Variants in CDKL4 observed in about 807,000 individuals in gnomAD.
CDKL4 encodes cyclin-dependent kinase-like 4.
Under a neutral mutation model 42.0 loss-of-function variants are expected in CDKL4, and 44 were observed. The observed-to-expected ratio is 1.05, with a 90% confidence interval of 0.82 to 1.35. The LOEUF (loss-of-function observed/expected upper bound fraction) is 1.35. Ranked by LOEUF, CDKL4 falls within the 40% of genes most tolerant of loss-of-function variation. The pLI is 0.00. For missense variants in CDKL4, 393 were observed against 369.9 expected (o/e 1.06, Z -0.51); for synonymous variants, 120 against 121.6 (o/e 0.99, Z 0.09).
intron 1 of CDKL4, among the ~76,000 whole-genome samples, chr2:39,240,233 C>T (rs1679592765): frequency 7.0e-6 from 1 of 143,126 alleles, no homozygotes; most frequent in East Asian, 2.1e-4. Flanking sequence ...AACATGGTGA[C>T]ACCCCGTCTC....
chr2:39,230,434 C>A (rs1273880360), intron 1 of CDKL4, among the ~76,000 whole-genome samples: 2 of 152,252 alleles, frequency 1.3e-5, no homozygotes, highest in East Asian at 3.9e-4. Context: ...AAGTTCTTAG[C>A]CCCAAAAGAA....
At chr2:39,184,453 G>T in intron 8 of CDKL4, 138 bp downstream of exon 8, 1 of 595,466 alleles carries the variant, frequency 1.7e-6, no homozygotes. Flanking sequence ...AACTGGAATT[G>T]TTTTACAGTT....
At chr2:39,194,939 A>G (rs547021501) in intron 5 of CDKL4, among the ~76,000 whole-genome samples, 8 of 152,286 alleles carry the variant, frequency 5.3e-5, no homozygotes, top group Middle Eastern at 6.8e-3. Flanking sequence ...TCCCAGCCTG[A>G]AACTCTGTAT....
intron 5 of CDKL4, among the ~76,000 whole-genome samples, chr2:39,194,102 A>G (rs1676363860): frequency 6.6e-6 from 1 of 152,190 alleles, no homozygotes; most frequent in Admixed American, 6.5e-5. Flanking sequence ...CTGCGTTCTC[A>G]AGAATTTGTT....
At chr2:39,241,678 T>C (rs1679668248) in intron 1 of CDKL4, among the ~76,000 whole-genome samples, 2 of 152,210 alleles carry the variant, frequency 1.3e-5, no homozygotes, top group South Asian at 2.1e-4. Flanking sequence ...TAAATCTTCA[T>C]CTTTTTCAAG....
chr2:39,177,430 G>A (rs1675211141), intron 9 of CDKL4, among the ~76,000 whole-genome samples: 1 of 149,178 alleles, frequency 6.7e-6, no homozygotes, highest in African/African-American at 2.5e-5. Flanking sequence ...TTGAGATGGA[G>A]TCTTGCTCTT....
chr2:39,195,232 C>T (rs1279107798), intron 5 of CDKL4, among the ~76,000 whole-genome samples: 1 of 152,158 alleles, frequency 6.6e-6, no homozygotes, highest in Non-Finnish European at 1.5e-5. Flanking sequence ...GTTGTTTCCA[C>T]CTTTTGTCAT....
At chr2:39,243,052 G>C (rs1294678450) in intron 1 of CDKL4, among the ~76,000 whole-genome samples, 1 of 133,424 alleles carries the variant, frequency 7.5e-6, no homozygotes, top group Non-Finnish European at 1.6e-5. Context: ...AACCTGGGAG[G>C]TCAGCGAGCC....
At chr2:39,224,283 G>C (rs1678557534) in intron 3 of CDKL4, among the ~76,000 whole-genome samples, 1 of 151,624 alleles carries the variant, frequency 6.6e-6, no homozygotes, top group African/African-American at 2.4e-5. Context: ...ATACCCTATT[G>C]GTATTCTGAT....
At chr2:39,195,998 TGAA>T (rs1657610533) in intron 5 of CDKL4, among the ~76,000 whole-genome samples, 1 of 152,068 alleles carries the variant, frequency 6.6e-6, no homozygotes, top group African/African-American at 2.4e-5. Flanking sequence ...ACAGACCCTT[TGAA>T]GAAGGTGGAT....
chr2:39,203,460 A>C (rs1015827163), intron 5 of CDKL4, among the ~76,000 whole-genome samples: 6 of 152,154 alleles, frequency 3.9e-5, no homozygotes, highest in Non-Finnish European at 7.3e-5. Context: ...CAGGAAAAAA[A>C]CCCCAAATCT....
At chr2:39,222,636 G>A (rs977365440) in intron 3 of CDKL4, among the ~76,000 whole-genome samples, 1 of 151,978 alleles carries the variant, frequency 6.6e-6, no homozygotes, top group Admixed American at 6.6e-5. Context: ...GACAGTGAAG[G>A]TGAAAAAGGC....
At chr2:39,242,346 G>GA in intron 1 of CDKL4, among the ~76,000 whole-genome samples, 1 of 152,078 alleles carries the variant, frequency 6.6e-6, no homozygotes, top group Admixed American at 6.5e-5. Context: ...CATGCCTGGC[G>GA]AAATTATTTT....
chr2:39,189,269 C>T (rs569409799), intron 6 of CDKL4, among the ~76,000 whole-genome samples: 6 of 152,294 alleles, frequency 3.9e-5, no homozygotes, highest in Admixed American at 3.3e-4. Context: ...AGCTGTGGCT[C>T]ACTTTTCGGG....
At chr2:39,208,367 G>A (rs1234409398) in intron 4 of CDKL4, among the ~76,000 whole-genome samples, 2 of 151,174 alleles carry the variant, frequency 1.3e-5, no homozygotes, top group Admixed American at 1.3e-4. Context: ...TTGAGACAGA[G>A]TCGCTCTTTG....
chr2:39,238,688 A>G (rs1679493272), intron 1 of CDKL4, among the ~76,000 whole-genome samples: 2 of 152,206 alleles, frequency 1.3e-5, no homozygotes, highest in African/African-American at 4.8e-5. Context: ...TCAATGAAAC[A>G]TAATAATGAG....
At chr2:39,236,386 C>T (rs1033703356) in intron 1 of CDKL4, among the ~76,000 whole-genome samples, 2 of 152,034 alleles carry the variant, frequency 1.3e-5, no homozygotes, top group African/African-American at 4.8e-5. Flanking sequence ...GGCAGAAAAA[C>T]AATATTTTAT....
intron 5 of CDKL4, among the ~76,000 whole-genome samples, chr2:39,191,706 CAG>C (rs1676193564): frequency 6.6e-6 from 1 of 152,210 alleles, no homozygotes; most frequent in Non-Finnish European, 1.5e-5. Context: ...AGACAGATGA[CAG>C]AGAGCTAGGT....
At chr2:39,182,503 T>C (rs1675495053) in intron 8 of CDKL4, among the ~76,000 whole-genome samples, 1 of 152,208 alleles carries the variant, frequency 6.6e-6, no homozygotes. Flanking sequence ...AGTCCTTGCC[T>C]GCCTGGATTA....
Sources: gnomAD v4.1 joint callset for allele counts (sites outside exome capture counted in the v4.1 genomes callset) on GRCh38, gnomAD v4.1.1 for gene constraint, MANE v1.5 for transcripts, NCBI Gene and HGNC (gene_info 2026-07-23, HGNC 2026-07-21) for gene names.